Variants in CCDC150 observed in about 807,000 individuals in gnomAD.
CCDC150 encodes coiled-coil domain containing 150.
A neutral mutation model predicts 156.5 loss-of-function variants in CCDC150; 151 were observed. That is an observed-to-expected ratio of 0.97 (90% CI 0.85 to 1.10). The LOEUF (loss-of-function observed/expected upper bound fraction) is 1.10. Among genes scored for constraint, CCDC150 ranks in the 50% least tolerant of loss-of-function variants. The pLI, the probability that CCDC150 is intolerant of heterozygous loss-of-function variation, is 0.00. For missense variants in CCDC150, 1,312 were observed against 1,268.1 expected, an observed-to-expected ratio of 1.03 and a Z score of -0.53; for synonymous variants, 452 against 429.4, an observed-to-expected ratio of 1.05 and a Z score of -0.65.
At chr2:196,643,208 A>G (rs572915170) in intron 1 of CCDC150, among the ~76,000 whole-genome samples, 92 of 152,300 alleles carry the variant, frequency 6.0e-4, no homozygotes, top group African/African-American at 2.1e-3. Flanking sequence ...GCCAACCATC[A>G]ATCAGTGTCC....
rs771092075 is a variant in CCDC150 at position 196,719,614 on chromosome 2, C to T, written c.2113C>T (p.Gln705Ter). ...GATGCAAGGTGCTCTGGAGAAAGTA[C>T]AAATAGAGCTTGGGCGGAGGGATTC... is the stretch of plus-strand genomic sequence containing the variant. Reference protein sequence around the residue: ...SKMQGALEKVQIELGRRDSEI... With the variant: ...SKMQGALEKV Residue 705 changes from glutamine to a stop codon, truncating the protein, a stop_gained, in exon 19 of 28, where the codon CAA becomes TAA. Coordinates refer to ENST00000389175, the MANE Select transcript of CCDC150 (RefSeq NM_001080539.2). LOFTEE classifies it high-confidence loss of function. 19 of 1,612,932 alleles carry T rather than the reference C, an allele frequency of 1.2e-5. No homozygotes were observed. Among genetic ancestry groups the T allele is most frequent in the African/African-American group, 2.7e-5 (2 of 74,816 alleles).
chr2:196,720,413 T>C (rs1402216722), intron 19 of CCDC150, among the ~76,000 whole-genome samples, 162 bp from the exon 20 acceptor site: 1 of 152,244 alleles, frequency 6.6e-6, no homozygotes, highest in Non-Finnish European at 1.5e-5. Flanking sequence ...CAAGTCAATC[T>C]TTGTAAAGGC....
At chr2:196,691,630 A>G (rs999592691) in intron 13 of CCDC150, among the ~76,000 whole-genome samples, 3 of 149,390 alleles carry the variant, frequency 2.0e-5, no homozygotes, top group African/African-American at 4.9e-5. Flanking sequence ...CTAGAAGTCT[A>G]TCTATTTTTT....
At chr2:196,651,353 T>A (rs1028238911) in intron 2 of CCDC150, among the ~76,000 whole-genome samples, 3 of 152,226 alleles carry the variant, frequency 2.0e-5, no homozygotes, top group African/African-American at 7.2e-5. Flanking sequence ...TGATTTGAAT[T>A]TGACAGTACT....
At chr2:196,680,007 T>C (rs527908135) in intron 13 of CCDC150, among the ~76,000 whole-genome samples, 2 of 152,302 alleles carry the variant, frequency 1.3e-5, no homozygotes, top group South Asian at 2.1e-4. Context: ...AAAATATTTT[T>C]ACTGTTTGTA....
intron 21 of CCDC150, among the ~76,000 whole-genome samples, chr2:196,723,772 A>G (rs1490372952): frequency 1.3e-5 from 2 of 152,192 alleles, no homozygotes; most frequent in Non-Finnish European, 2.9e-5. Flanking sequence ...TGCAACAGGT[A>G]TCTACCAATC....
At chr2:196,640,712 C>G (rs527979682) in intron 1 of CCDC150, among the ~76,000 whole-genome samples, 32 of 152,332 alleles carry the variant, frequency 2.1e-4, no homozygotes, top group African/African-American at 7.2e-4. Flanking sequence ...AATGCATCAG[C>G]AAAAGCTATC....
At chr2:196,672,533 T>A in intron 9 of CCDC150, 96 bp downstream of exon 9, 1 of 569,860 alleles carries the variant, frequency 1.8e-6, no homozygotes, top group Non-Finnish European at 2.9e-6. Flanking sequence ...TATAAATTCA[T>A]ACCATCTCCA....
At chr2:196,697,773 A>G (rs1448245096) in intron 14 of CCDC150, among the ~76,000 whole-genome samples, 1 of 152,202 alleles carries the variant, frequency 6.6e-6, no homozygotes, top group African/African-American at 2.4e-5. Context: ...GGTTTTGTGT[A>G]TTCTTCTAAC....
At chr2:196,639,841 A>G in intron 1 of CCDC150, 63 bp downstream of exon 1, 2 of 1,467,770 alleles carry the variant, frequency 1.4e-6, no homozygotes, top group Non-Finnish European at 1.8e-6. Context: ...TTCGGCTCAG[A>G]TAAGGACAGT....
At chr2:196,729,499 G>C (rs761789288) in intron 23 of CCDC150, 112 bp downstream of exon 23, 26 of 1,007,974 alleles carry the variant, frequency 2.6e-5, no homozygotes, top group Non-Finnish European at 3.6e-5. Flanking sequence ...GTATTCTCTG[G>C]GAATTATAGC....
intron 15 of CCDC150, among the ~76,000 whole-genome samples, chr2:196,710,186 C>G (rs886755548): frequency 6.6e-6 from 1 of 152,242 alleles, no homozygotes; most frequent in African/African-American, 2.4e-5. Context: ...GCTTCCCTGA[C>G]TGCTTTGTTT....
At chr2:196,669,919 CTT>C in intron 8 of CCDC150, 43 bp downstream of exon 8, 1 of 1,410,722 alleles carries the variant, frequency 7.1e-7, no homozygotes, top group Non-Finnish European at 9.9e-7. Flanking sequence ...TCTTTCCTCT[CTT>C]CACTAAGTCC....
chr2:196,709,988 G>A (rs1696983085), intron 15 of CCDC150, among the ~76,000 whole-genome samples: 1 of 152,254 alleles, frequency 6.6e-6, no homozygotes, highest in Non-Finnish European at 1.5e-5. Context: ...TGAGGAGGCA[G>A]TCTGTCTGTT....
chr2:196,663,961 T>G (rs1166842762), intron 5 of CCDC150, among the ~76,000 whole-genome samples: 1 of 152,150 alleles, frequency 6.6e-6, no homozygotes, highest in South Asian at 2.1e-4. Context: ...AAAGAGACTC[T>G]TATTAATGGA....
chr2:196,729,078 A>T, intron 22 of CCDC150, 115 bp from the exon 23 acceptor site: 1 of 925,878 alleles, frequency 1.1e-6, no homozygotes. Context: ...TTATTGCCTC[A>T]CTAACTCTCC....
chr2:196,673,756 C>A (rs1694342298), intron 9 of CCDC150, among the ~76,000 whole-genome samples: 1 of 152,060 alleles, frequency 6.6e-6, no homozygotes, highest in Non-Finnish European at 1.5e-5. Context: ...GTAGCTCAAA[C>A]AATTTTTGTT....
At chr2:196,717,830 G>T (rs1344025047) in intron 17 of CCDC150, among the ~76,000 whole-genome samples, 1 of 152,032 alleles carries the variant, frequency 6.6e-6, no homozygotes, top group African/African-American at 2.4e-5. Context: ...GGTGGAGGTT[G>T]CAGTGAGCCC....
rs1381191575 is a variant in CCDC150 at position 196,674,289 on chromosome 2, C to G, written c.1078C>G (p.Leu360Val). The change falls in exon 10 of 28, where the codon CTT becomes GTT. Residue 360 changes from leucine to valine, a missense_variant. Physicochemically the swap from Leu to Val is conservative, Grantham distance 32. Coordinates refer to ENST00000389175, the MANE Select transcript of CCDC150 (RefSeq NM_001080539.2). The part of the protein sequence containing the change: ...TKKCSELSCM[L>V]QTVTMEKARI... ...AAAGTGTTCAGAGTTGAGCTGCATG[C>G]TTCAGACTGTTACTATGGAAAAAGC... The G allele has an allele frequency of 7.5e-6, 12 of 1,604,200 alleles. No homozygotes were observed. Among genetic ancestry groups the G allele is most frequent in the Non-Finnish European group, 1.0e-5 (12 of 1,175,088 alleles).
Sources: allele counts gnomAD v4.1 joint callset (sites outside exome capture counted in the v4.1 genomes callset), GRCh38; gene constraint gnomAD v4.1.1; transcripts MANE v1.5; gene names NCBI Gene and HGNC (gene_info 2026-07-23, HGNC 2026-07-21).